Variants in SUPT3H observed in about 807,000 individuals in gnomAD.
SUPT3H encodes transcription initiation protein SPT3 homolog.
In SUPT3H, 44 loss-of-function variants were observed where a neutral mutation model predicts 44.3. The observed-to-expected ratio is 0.99, with a 90% confidence interval of 0.78 to 1.28. SUPT3H has a LOEUF of 1.28. SUPT3H is among the 50% of genes most tolerant of loss of function. The probability of loss-of-function intolerance (pLI) is 0.00; values close to 1 mark genes in which losing one functional copy is unlikely to be tolerated. For synonymous variants in SUPT3H, 124 were observed against 125.6 expected, an observed-to-expected ratio of 0.99 and a Z score of 0.09; for missense variants, 380 against 387.1, an observed-to-expected ratio of 0.98 and a Z score of 0.15.
At chr6:44,956,877 T>C (rs534550452) in intron 7 of SUPT3H, among the ~76,000 whole-genome samples, 2 of 152,338 alleles carry the variant, frequency 1.3e-5, no homozygotes, top group South Asian at 2.1e-4. Context: ...CAAATGCTTA[T>C]AATTTCTTAA....
intron 2 of SUPT3H, among the ~76,000 whole-genome samples, chr6:45,120,240 G>A (rs539908541): frequency 6.6e-6 from 1 of 151,572 alleles, no homozygotes; most frequent in African/African-American, 2.4e-5. Context: ...AAGAGACTTC[G>A]GAAGTAATTT....
chr6:44,979,544 G>A (rs10948191), intron 6 of SUPT3H, among the ~76,000 whole-genome samples: 7 of 151,606 alleles, frequency 4.6e-5, no homozygotes, highest in Middle Eastern at 3.2e-3. Context: ...AGTGTGTGTG[G>A]GGGGGGGAAA....
chr6:45,073,052 A>G (rs1226666393), intron 3 of SUPT3H, among the ~76,000 whole-genome samples: 1 of 152,126 alleles, frequency 6.6e-6, no homozygotes, highest in African/African-American at 2.4e-5. Flanking sequence ...GAAAGAAATG[A>G]CTTTCTCCGT....
intron 2 of SUPT3H, among the ~76,000 whole-genome samples, chr6:45,320,000 T>C (rs2150029711): frequency 6.6e-6 from 1 of 152,282 alleles, no homozygotes; most frequent in African/African-American, 2.4e-5. Flanking sequence ...CAAAATTATT[T>C]GGATTCCAAC....
intron 3 of SUPT3H, among the ~76,000 whole-genome samples, chr6:45,024,120 CAAAGT>C (rs1331212426): frequency 1.3e-5 from 2 of 151,872 alleles, no homozygotes; most frequent in African/African-American, 2.4e-5. Flanking sequence ...TTCTATTTGT[CAAAGT>C]AAACAAAATA....
At chr6:44,951,440 G>A (rs185714661) in intron 9 of SUPT3H, among the ~76,000 whole-genome samples, 1 of 152,150 alleles carries the variant, frequency 6.6e-6, no homozygotes, top group East Asian at 1.9e-4. Context: ...GGCCCTTGAT[G>A]TTAGCTGCTG....
chr6:44,855,690 G>A (rs575610326), intron 10 of SUPT3H, among the ~76,000 whole-genome samples: 3 of 151,784 alleles, frequency 2.0e-5, no homozygotes, highest in Admixed American at 6.6e-5. Context: ...TTATATATGC[G>A]CTCACATTCT....
intron 3 of SUPT3H, among the ~76,000 whole-genome samples, chr6:45,064,918 A>G (rs973714844): frequency 2.4e-4 from 35 of 148,116 alleles, no homozygotes; most frequent in African/African-American, 8.7e-4. Context: ...GAAAGTCAAC[A>G]AGGATACCCA....
chr6:45,047,119 T>C (rs1429206635), intron 3 of SUPT3H, among the ~76,000 whole-genome samples: 3 of 152,240 alleles, frequency 2.0e-5, no homozygotes, highest in Non-Finnish European at 4.4e-5. Flanking sequence ...GTATAGGATT[T>C]TCTAGCTATA....
At chr6:44,831,428 C>T (rs554925343) in intron 10 of SUPT3H, among the ~76,000 whole-genome samples, 48 of 152,264 alleles carry the variant, frequency 3.2e-4, no homozygotes, top group African/African-American at 1.1e-3. Context: ...CAGAGAGCCA[C>T]AAATAACTTG....
chr6:45,350,166 A>G (rs1791723406), intron 2 of SUPT3H, among the ~76,000 whole-genome samples: 1 of 152,238 alleles, frequency 6.6e-6, no homozygotes, highest in South Asian at 2.1e-4. Flanking sequence ...TACAATTAGA[A>G]TGTAGCCCTG....
At chr6:44,821,461 C>T (rs1027622667) in intron 11 of SUPT3H, among the ~76,000 whole-genome samples, 1 of 152,138 alleles carries the variant, frequency 6.6e-6, no homozygotes, top group African/African-American at 2.4e-5. Context: ...ACTACTACCC[C>T]CCTCTCTGAA....
At chr6:45,175,593 A>G (rs545632990) in intron 2 of SUPT3H, among the ~76,000 whole-genome samples, 286 of 152,296 alleles carry the variant, frequency 1.9e-3, no homozygotes, top group African/African-American at 6.7e-3. Flanking sequence ...TCTTTCACCG[A>G]TCTTCTTATC....
intron 2 of SUPT3H, among the ~76,000 whole-genome samples, chr6:45,283,709 T>C (rs1023833589): frequency 1.3e-5 from 2 of 150,938 alleles, no homozygotes; most frequent in Non-Finnish European, 3.0e-5. Context: ...TACCCAGGAA[T>C]TGAACTCAGC....
rs2150276421 is a variant in SUPT3H, at chr6:45,365,289, C to T, written c.13G>A (p.Ala5Thr). 6.2e-7 allele frequency: 1 copy of T among 1,608,870 alleles called. No homozygotes were observed. Among genetic ancestry groups the T allele is most frequent in the East Asian group, 2.2e-5 (1 of 44,686 alleles). The change falls in exon 2 of 11, where the codon GCA becomes ACA. Residue 5 changes from alanine to threonine, a missense_variant. Coordinates refer to ENST00000371459, the MANE Select transcript of SUPT3H (RefSeq NM_003599.4). MNNTAASPMSTATSS... is the reference protein window; with the variant it reads MNNTTASPMSTATSS... ...GTTGCAGTAGACATTGGACTAGCTG[C>T]CGTATTATTCATCTAAATAAAAAGG...
At chr6:45,172,598 T>A (rs201796748) in intron 2 of SUPT3H, among the ~76,000 whole-genome samples, 60,557 of 149,000 alleles carry the variant, frequency 0.41, 12,488 homozygotes, top group East Asian at 0.71. Context: ...GATATATTTT[T>A]TTTTTTTTTT....
At chr6:45,029,716 T>A (rs1040266826) in intron 3 of SUPT3H, among the ~76,000 whole-genome samples, 6 of 152,240 alleles carry the variant, frequency 3.9e-5, no homozygotes, top group Non-Finnish European at 8.8e-5. Context: ...AGTCATAGTT[T>A]AAATAACATA....
chr6:45,005,678 G>A (rs1486009551), intron 5 of SUPT3H, among the ~76,000 whole-genome samples: 1 of 141,446 alleles, frequency 7.1e-6, no homozygotes, highest in Non-Finnish European at 1.5e-5. Context: ...TCCAGCCTGG[G>A]CAACAAGTGC....
intron 10 of SUPT3H, among the ~76,000 whole-genome samples, chr6:44,914,934 G>A (rs1384397821): frequency 6.6e-6 from 1 of 152,152 alleles, no homozygotes; most frequent in Non-Finnish European, 1.5e-5. Context: ...AGATCCAAAA[G>A]GAGAAAACAG....
Sources: allele counts gnomAD v4.1 joint callset (sites outside exome capture counted in the v4.1 genomes callset), GRCh38; gene constraint gnomAD v4.1.1; transcripts MANE v1.5; gene names NCBI Gene and HGNC (gene_info 2026-07-23, HGNC 2026-07-21).